ITGAV: variants seen among roughly 807,000 people sequenced by gnomAD.
ITGAV encodes the protein integrin subunit alpha V, also known as integrin alpha-V.
In ITGAV, 76 loss-of-function variants were observed where a neutral mutation model predicts 143.8. The observed-to-expected ratio is 0.53, with a 90% CI of 0.44 to 0.64. The LOEUF (loss-of-function observed/expected upper bound fraction) is 0.64. Among genes scored for constraint, ITGAV ranks in the 30% least tolerant of loss-of-function variants. ITGAV has a pLI of 0.00. For missense variants in ITGAV, 1,193 were observed against 1,274.7 expected (o/e 0.94, Z 0.98); for synonymous variants, 453 against 446.7 (o/e 1.01, Z -0.18).
At chr2:186,644,639 C>CT (rs2105716172) in intron 12 of ITGAV, among the ~76,000 whole-genome samples, 1 of 152,002 alleles carries the variant, frequency 6.6e-6, no homozygotes, top group African/African-American at 2.4e-5. Flanking sequence ...ACCTTTAAGG[C>CT]TTAAAAAAGG....
At chr2:186,674,265 T>C (rs563150070) in intron 26 of ITGAV, among the ~76,000 whole-genome samples, 3 of 152,320 alleles carry the variant, frequency 2.0e-5, no homozygotes, top group African/African-American at 7.2e-5. Flanking sequence ...TGTGAGCCAC[T>C]GCTCTTGACC....
intron 2 of ITGAV, among the ~76,000 whole-genome samples, chr2:186,616,342 G>A (rs889338657): frequency 9.7e-5 from 13 of 134,560 alleles, no homozygotes; most frequent in South Asian, 9.3e-4. Context: ...GCAGTGGCAC[G>A]ATCTCGGCTC....
chr2:186,645,358 G>A (rs529668862), intron 12 of ITGAV, among the ~76,000 whole-genome samples: 1 of 152,234 alleles, frequency 6.6e-6, no homozygotes, highest in Non-Finnish European at 1.5e-5. Flanking sequence ...TGGAGCAAAA[G>A]GCAGAGAGAA....
In ITGAV at chr2:186,590,239, T is replaced by C. The variant is rs1310439830; in HGVS notation, c.-100T>C. 5.6e-6 allele frequency: 6 copies of C among 1,074,462 alleles called. No homozygotes were observed. The highest frequency in any genetic ancestry group is 3.3e-5 in the East Asian group (1 of 30,284). The allele number at this position is 1,074,462 out of a possible 1,614,324, so 66.6% of individuals were successfully genotyped here. Reference sequence around the variant, plus strand: ...CCGAGAAGAGAGCGGCCGGCAAGTTTGGGCGCGCGCAGGCGGCGGGCCGCG... The same window carrying C: ...CCGAGAAGAGAGCGGCCGGCAAGTTCGGGCGCGCGCAGGCGGCGGGCCGCG... On this transcript the variant is annotated 5_prime_UTR_variant, in exon 1 of 30. Coordinates refer to ENST00000261023, the MANE Select transcript of ITGAV (RefSeq NM_002210.5).
chr2:186,641,681 A>C, intron 12 of ITGAV, 93 bp downstream of exon 12: 1 of 967,974 alleles, frequency 1.0e-6, no homozygotes, highest in Non-Finnish European at 1.6e-6. Context: ...TACACGAGCA[A>C]ATCTCCTTCC....
intron 1 of ITGAV, among the ~76,000 whole-genome samples, chr2:186,598,897 T>C (rs1381184768): frequency 6.6e-6 from 1 of 152,154 alleles, no homozygotes; most frequent in Non-Finnish European, 1.5e-5. Flanking sequence ...GTTACGTCTT[T>C]ATTTTGAATT....
Position 186,667,146 on chromosome 2 carries a change from TCAGC to T in ITGAV, c.2247-3_2247del. The T allele has an allele frequency of 1.9e-6, 3 of 1,599,782 alleles. No individual in the cohort carries two copies. Among genetic ancestry groups the T allele is most frequent in the Middle Eastern group, 1.7e-4 (1 of 5,722 alleles). Reference sequence around the variant, plus strand: ...ATTTTTAAGTTTTTTTTTTTCTTTTTCAGCTCAAATCTATTTGACAAAGTAAGCC... The same window carrying T: ...ATTTTTAAGTTTTTTTTTTTCTTTTTTCAAATCTATTTGACAAAGTAAGCC... On this transcript the variant is annotated splice_acceptor_variant and splice_polypyrimidine_tract_variant and coding_sequence_variant and intron_variant, in exon 23 of 30. Transcript: ENST00000261023. LOFTEE classifies it high-confidence loss of function.
At chr2:186,637,529 TA>T (rs1258105332) in intron 8 of ITGAV, among the ~76,000 whole-genome samples, 1 of 151,872 alleles carries the variant, frequency 6.6e-6, no homozygotes, top group African/African-American at 2.4e-5. Context: ...TAAGCAATTT[TA>T]AACCATTGTT....
chr2:186,634,997 T>C (rs1687913446), intron 6 of ITGAV, among the ~76,000 whole-genome samples: 1 of 152,044 alleles, frequency 6.6e-6, no homozygotes, highest in Non-Finnish European at 1.5e-5. Flanking sequence ...ATGACCTTTT[T>C]TTTTAATGCC....
intron 10 of ITGAV, among the ~76,000 whole-genome samples, chr2:186,639,195 C>A (rs1688036180): frequency 6.6e-6 from 1 of 152,114 alleles, no homozygotes; most frequent in Non-Finnish European, 1.5e-5. Context: ...TTATAATATT[C>A]TCTGTTGTAT....
intron 1 of ITGAV, among the ~76,000 whole-genome samples, chr2:186,599,470 T>C (rs909398232): frequency 2.6e-5 from 4 of 152,074 alleles, no homozygotes; most frequent in African/African-American, 7.2e-5. Context: ...GAATTCATGG[T>C]TTTTCTGTAA....
At position 186,611,342 on chromosome 2, in the gene ITGAV, C is replaced by T. The variant is rs79061109; in HGVS notation, c.316+9191C>T. Among the ~76,000 whole-genome samples, 216 of 152,196 alleles carry T rather than the reference C, an allele frequency of 1.4e-3. 3 individuals carry two copies. In the East Asian group the frequency reaches 0.036, roughly 25 times the overall value. ...AGTTGAATATCTCAGGGATATTATT[C>T]GCCTACCACAGTGCCCTTTTATGTA... On this transcript the variant is annotated intron_variant, in intron 2 of 29. Coordinates refer to ENST00000261023, the MANE Select transcript of ITGAV (RefSeq NM_002210.5).
At chr2:186,642,655 C>A (rs1400976898) in intron 12 of ITGAV, among the ~76,000 whole-genome samples, 1 of 151,488 alleles carries the variant, frequency 6.6e-6, no homozygotes, top group African/African-American at 2.4e-5. Context: ...CCACTTCAGC[C>A]TCCTGAGTAG....
chr2:186,664,690 T>G, intron 20 of ITGAV, 49 bp downstream of exon 20: 1 of 1,607,922 alleles, frequency 6.2e-7, no homozygotes, highest in Admixed American at 1.7e-5. Flanking sequence ...CGGATCTTAT[T>G]AACATTAATG....
intron 26 of ITGAV, chr2:186,670,055 C>T: frequency 2.3e-6 from 1 of 438,892 alleles, no homozygotes; most frequent in South Asian, 2.4e-5. Context: ...GATTCTCCTA[C>T]TCTAGTTCTT....
At position 186,612,078 on chromosome 2, in the gene ITGAV, A is replaced by G. The variant is rs1252346810; in HGVS notation, c.316+9927A>G. On this transcript the variant is annotated intron_variant, in intron 2 of 29. Coordinates refer to ENST00000261023, the MANE Select transcript of ITGAV (RefSeq NM_002210.5). ...CTGTAGGGAACTAAATAAATACGGA[A>G]AAGGAAAGAAATAAAGATAATTGTG... Among the ~76,000 whole-genome samples, 4 of 152,230 alleles carry G rather than the reference A, an allele frequency of 2.6e-5. No individual in the cohort carries two copies. The East Asian group carries it at 7.7e-4, about 29-fold the overall frequency.
chr2:186,599,909 AC>A (rs1559037691), intron 1 of ITGAV, among the ~76,000 whole-genome samples: 1 of 151,410 alleles, frequency 6.6e-6, no homozygotes, highest in Non-Finnish European at 1.5e-5. Context: ...CTTTCCACCC[AC>A]CCTCTTACTG....
chr2:186,656,210 A>G (rs747648611), intron 16 of ITGAV, 37 bp from the exon 17 acceptor site: 1 of 1,505,638 alleles, frequency 6.6e-7, no homozygotes, highest in Non-Finnish European at 9.0e-7. Context: ...GATGTCCATA[A>G]AGAATATGTT....
chr2:186,658,690 A>C lies in ITGAV; in HGVS notation c.1720-348A>C, dbSNP rs930579863. ...ACTACATGTAATCCTATTGAGAAGG[A>C]ATGCAGAGGGAGGAAGAGAAAGAAG... is the stretch of plus-strand genomic sequence containing the variant. On this transcript the variant is annotated intron_variant, in intron 17 of 29. Transcript: ENST00000261023. 4.6e-5 allele frequency among the ~76,000 whole-genome samples: 7 copies of C among 152,180 alleles called. No homozygotes were observed. In the South Asian group the frequency reaches 1.0e-3, roughly 23 times the overall value.
Sources: gnomAD v4.1 joint callset for allele counts (sites outside exome capture counted in the v4.1 genomes callset) on GRCh38, gnomAD v4.1.1 for gene constraint, MANE v1.5 for transcripts, NCBI Gene and HGNC (gene_info 2026-07-23, HGNC 2026-07-21) for gene names.